The following MPPED1 variants were observed in gnomAD, a reference collection of about 807,000 sequenced individuals.
MPPED1 encodes the protein metallophosphoesterase domain-containing protein 1.
Under a neutral mutation model 36.2 loss-of-function variants are expected in MPPED1, and 16 were observed. The ratio of observed to expected loss-of-function variants is 0.44; its 90% confidence interval spans 0.30 to 0.67. The LOEUF (loss-of-function observed/expected upper bound fraction) is 0.67, where lower values mean the gene tolerates loss of function less well. Among genes scored for constraint, MPPED1 ranks in the 30% least tolerant of loss-of-function variants. The pLI, the probability that MPPED1 is intolerant of heterozygous loss-of-function variation, is 0.10. For missense variants in MPPED1, 307 were observed against 453.4 expected (o/e 0.68, Z 2.93); for synonymous variants, 199 against 191.3 (o/e 1.04, Z -0.33).
At position 43,490,181 on chromosome 22, in the gene MPPED1, C is replaced by T. The variant is rs1932039561; in HGVS notation, c.633-8054C>T. 2.0e-5 allele frequency among the ~76,000 whole-genome samples: 3 copies of T among 152,232 alleles called. No individual in the cohort carries two copies. In the South Asian group the frequency reaches 6.2e-4, roughly 31 times the overall value. On this transcript the variant is annotated intron_variant, in intron 4 of 6. Transcript: ENST00000443721. Reference sequence around the variant, plus strand: ...CCCAATGTTGTGGTGTCAGCTGCCCCCATGTCCCCAGATCCTGCAGGCAAG... The same window carrying T: ...CCCAATGTTGTGGTGTCAGCTGCCCTCATGTCCCCAGATCCTGCAGGCAAG...
At chr22:43,494,968 TATTTGAGAG>T (rs767082415) in intron 4 of MPPED1, among the ~76,000 whole-genome samples, 9 of 152,192 alleles carry the variant, frequency 5.9e-5, no homozygotes, top group Non-Finnish European at 1.2e-4. Flanking sequence ...GCACTGATCC[TATTTGAGAG>T]GGCTCCACCC....
intron 2 of MPPED1, among the ~76,000 whole-genome samples, chr22:43,434,833 G>T (rs981155967): frequency 6.6e-6 from 1 of 152,218 alleles, no homozygotes; most frequent in African/African-American, 2.4e-5. Flanking sequence ...GGCCAAACAT[G>T]CTTTGCCTGG....
At chr22:43,438,540 T>C (rs1025229479) in intron 3 of MPPED1, among the ~76,000 whole-genome samples, 7 of 152,012 alleles carry the variant, frequency 4.6e-5, no homozygotes, top group Non-Finnish European at 8.8e-5. Context: ...TTTAGAAAGC[T>C]TTTCAAAGGC....
chr22:43,491,089 T>C lies in MPPED1; in HGVS notation c.633-7146T>C, dbSNP rs573604055. Among the ~76,000 whole-genome samples, 5 of 152,356 alleles carry C rather than the reference T, an allele frequency of 3.3e-5. No homozygotes were observed. In the South Asian group the frequency reaches 1.0e-3, roughly 32 times the overall value. ...TCCTGGCTCAATGGACTCTCAAATC[T>C]TGGGGAGCTGATGTTTTCTATTCTT... On this transcript the variant is annotated intron_variant, in intron 4 of 6. Coordinates refer to ENST00000443721, the MANE Select transcript of MPPED1 (RefSeq NM_001044370.2).
intron 1 of MPPED1, among the ~76,000 whole-genome samples, chr22:43,414,147 A>G (rs1195662462): frequency 6.6e-6 from 1 of 152,244 alleles, no homozygotes; most frequent in African/African-American, 2.4e-5. Flanking sequence ...TCAGGAATAC[A>G]CAGACTGATG....
At position 43,506,357 on chromosome 22, in the gene MPPED1, G is replaced by A. The variant is rs1363916098; in HGVS notation, c.*741G>A. On this transcript the variant is annotated 3_prime_UTR_variant, in exon 7 of 7. Coordinates refer to ENST00000443721, the MANE Select transcript of MPPED1 (RefSeq NM_001044370.2). ...CAGTGAGAGCGTTCCCAGTCATGGG[G>A]GGATGACCCTTGGTCCCACGGGGAA... 6.6e-6 allele frequency: 1 copy of A among 152,560 alleles called. No individual in the cohort carries two copies. The highest frequency in any genetic ancestry group is 1.5e-5 in the Non-Finnish European group (1 of 68,136). The allele number at this position is 152,560 out of a possible 1,614,324, so 9.5% of individuals were successfully genotyped here. A position where few individuals can be genotyped will look rare whatever the true frequency, so the allele number is the denominator to read the frequency against.
chr22:43,456,528 T>C (rs1029529990), intron 3 of MPPED1, among the ~76,000 whole-genome samples: 5 of 152,226 alleles, frequency 3.3e-5, no homozygotes, highest in Non-Finnish European at 5.9e-5. Context: ...AGTGTCTTGC[T>C]CTGTCACCCA....
intron 5 of MPPED1, among the ~76,000 whole-genome samples, chr22:43,500,271 GA>G (rs1379897399): frequency 1.1e-3 from 84 of 73,402 alleles, no homozygotes; most frequent in East Asian, 2.0e-3. Context: ...GATGGTGATG[GA>G]GGTGGCGGTG....
At chr22:43,445,583 C>T (rs1477228162) in intron 3 of MPPED1, among the ~76,000 whole-genome samples, 3 of 124,114 alleles carry the variant, frequency 2.4e-5, no homozygotes, top group Non-Finnish European at 3.2e-5. Flanking sequence ...TTTTTGCAGA[C>T]AGGATCTCAC....
rs1930701038 is a variant in MPPED1, at chr22:43,454,941, G to T, written c.406+19726G>T. Reference sequence around the variant, plus strand: ...ATAGGGCTTCCCTGACCATGTACCAGAGACTGGGAGGCTCAAACAGCAGAA... The same window carrying T: ...ATAGGGCTTCCCTGACCATGTACCATAGACTGGGAGGCTCAAACAGCAGAA... On this transcript the variant is annotated intron_variant, in intron 3 of 6. Transcript: ENST00000443721. Among the ~76,000 whole-genome samples, 6 of 152,174 alleles carry T rather than the reference G, an allele frequency of 3.9e-5. No individual in the cohort carries two copies. The South Asian group carries it at 1.2e-3, about 32-fold the overall frequency.
At chr22:43,503,567 A>C (rs1241353979) in intron 6 of MPPED1, among the ~76,000 whole-genome samples, 1 of 152,134 alleles carries the variant, frequency 6.6e-6, no homozygotes, top group Non-Finnish European at 1.5e-5. Flanking sequence ...AAAGCAAGCA[A>C]GCCTCAAACC....
rs374678827 is a variant in MPPED1 at position 43,436,897 on chromosome 22, T to C, written c.406+1682T>C. On this transcript the variant is annotated intron_variant, in intron 3 of 6. Transcript: ENST00000443721. ...AGAGGAGAATGGAGGTTCTGAAGGGTGGGGACTGTCTCTCACACACAGCCT... is the reference window on the plus strand; with the variant it reads ...AGAGGAGAATGGAGGTTCTGAAGGGCGGGGACTGTCTCTCACACACAGCCT... Among the ~76,000 whole-genome samples, 25 of 152,308 alleles carry C rather than the reference T, an allele frequency of 1.6e-4. No individual in the cohort carries two copies. In the East Asian group the frequency reaches 4.4e-3, roughly 27 times the overall value.
At chr22:43,420,058 G>A (rs1929210535) in intron 1 of MPPED1, among the ~76,000 whole-genome samples, 1 of 152,252 alleles carries the variant, frequency 6.6e-6, no homozygotes, top group African/African-American at 2.4e-5. Flanking sequence ...TCCCACTCTG[G>A]GTTCACTGGG....
chr22:43,465,540 A>G lies in MPPED1; in HGVS notation c.407-9196A>G, dbSNP rs914632193. On this transcript the variant is annotated intron_variant, in intron 3 of 6. Coordinates refer to ENST00000443721, the MANE Select transcript of MPPED1 (RefSeq NM_001044370.2). The stretch of plus-strand genomic sequence containing the variant: ...AGCGCTGAACAAGGCAGGGGCCTCG[A>G]AGGGGCTCCCAGGGTGCTGGGGAAG... Among the ~76,000 whole-genome samples the G allele has an allele frequency of 2.6e-5, 4 of 152,112 alleles. No homozygotes were observed. In the East Asian group the frequency reaches 7.7e-4, roughly 29 times the overall value.
chr22:43,442,907 T>G (rs1162248223), intron 3 of MPPED1, among the ~76,000 whole-genome samples: 1 of 152,102 alleles, frequency 6.6e-6, no homozygotes, highest in Non-Finnish European at 1.5e-5. Context: ...CGCGGGGCTG[T>G]GACTGCTGGG....
At chr22:43,479,933 G>A (rs1298580382) in intron 4 of MPPED1, among the ~76,000 whole-genome samples, 1 of 152,174 alleles carries the variant, frequency 6.6e-6, no homozygotes, top group Non-Finnish European at 1.5e-5. Flanking sequence ...TACAGTCACA[G>A]CTCACTGCGG....
chr22:43,473,279 C>T (rs1189596246), intron 3 of MPPED1, among the ~76,000 whole-genome samples: 1 of 152,066 alleles, frequency 6.6e-6, no homozygotes, highest in Admixed American at 6.5e-5. Flanking sequence ...TCATTGGAGC[C>T]TGATGGCCAG....
At chr22:43,464,291 C>CTGTGTGTGTGTG (rs60119589) in intron 3 of MPPED1, among the ~76,000 whole-genome samples, 2 of 143,920 alleles carry the variant, frequency 1.4e-5, no homozygotes, top group African/African-American at 2.5e-5. Context: ...TTGGTCAGCT[C>CTGTGTGTGTGTG]TGTGTGTGTG....
Position 43,505,771 on chromosome 22 carries a change from T to G in MPPED1, c.*155T>G. 1.6e-6 allele frequency: 1 copy of G among 623,678 alleles called. No homozygotes were observed. Among genetic ancestry groups the G allele is most frequent in the Non-Finnish European group, 2.8e-6 (1 of 352,346 alleles). 38.6% of individuals were successfully genotyped at this position (623,678 alleles called of 1,614,324 possible). ...GGGCCTTGGAACGACTCTTTAGCCT[T>G]CTGTCACCTGGAGTTGGGACCCTGC... On this transcript the variant is annotated 3_prime_UTR_variant, in exon 7 of 7. Transcript: ENST00000443721.
Sources: allele counts gnomAD v4.1 joint callset (sites outside exome capture counted in the v4.1 genomes callset), GRCh38; gene constraint gnomAD v4.1.1; transcripts MANE v1.5; gene names NCBI Gene and HGNC (gene_info 2026-07-23, HGNC 2026-07-21).